FAAH2: variants seen among roughly 807,000 people sequenced by gnomAD.
FAAH2 encodes fatty-acid amide hydrolase 2.
Under a neutral mutation model 36.9 loss-of-function variants are expected in FAAH2, and 60 were observed. The ratio of observed to expected loss-of-function variants is 1.63; its 90% CI spans 1.32 to 2.02. The LOEUF (loss-of-function observed/expected upper bound fraction) is 2.02, where lower values mean the gene tolerates loss of function less well. Among genes scored for constraint, FAAH2 ranks in the 30% most tolerant of loss-of-function variants. The pLI is 0.00. For synonymous variants in FAAH2, 214 were observed against 143.8 expected (o/e 1.49, Z -3.49); for missense variants, 689 against 397.5 (o/e 1.73, Z -6.23).
the FAAH2 span, among the ~76,000 whole-genome samples, chrX:57,159,076 G>C: frequency 8.9e-6 from 1 of 112,245 alleles, no homozygotes; most frequent in Non-Finnish European, 1.9e-5. Context: ...AGTTTTCACA[G>C]TACCATTTAT....
intron 5 of FAAH2, among the ~76,000 whole-genome samples, chrX:57,347,604 G>GT (rs61323098): frequency 1.2e-4 from 9 of 77,882 alleles, no homozygotes; most frequent in African/African-American, 5.2e-4. Flanking sequence ...GGGATGCTAA[G>GT]TTTTTTTTTT....
At chrX:57,173,732 G>A in the FAAH2 span, among the ~76,000 whole-genome samples, 1 of 111,063 alleles carries the variant, frequency 9.0e-6, no homozygotes, top group African/African-American at 3.3e-5. Context: ...AATATTTTGA[G>A]GTATATTTCT....
chrX:57,371,640 G>T (rs1043537714), intron 5 of FAAH2, among the ~76,000 whole-genome samples: 9 of 103,191 alleles, frequency 8.7e-5, no homozygotes, highest in South Asian at 9.5e-4. Flanking sequence ...TATTTTTTGG[G>T]GGGGGGGTTA....
At chrX:57,292,252 A>G (rs926283448) in intron 1 of FAAH2, among the ~76,000 whole-genome samples, 1 of 111,581 alleles carries the variant, frequency 9.0e-6, no homozygotes, top group African/African-American at 3.3e-5. Flanking sequence ...AGCAGAGTTT[A>G]TTCCTTTTAT....
At chrX:57,308,975 T>A (rs1323342629) in intron 2 of FAAH2, among the ~76,000 whole-genome samples, 1 of 112,388 alleles carries the variant, frequency 8.9e-6, no homozygotes, top group Non-Finnish European at 1.9e-5. Flanking sequence ...ATATTCATTT[T>A]TTAATACTTT....
rs2055940003 is a variant in FAAH2, at chrX:57,419,314, A to G, written c.997-12604A>G. On this transcript the variant is annotated intron_variant, in intron 7 of 10. Transcript: ENST00000374900. ...CCACACTGACTTCCACAATGGTTGA[A>G]CTAGTTTACAGTCCCACCAACAGTG... Among the ~76,000 whole-genome samples, 6 of 110,749 alleles carry G rather than the reference A, an allele frequency of 5.4e-5. No homozygotes were observed. The Admixed American group carries it at 5.8e-4, about 11-fold the overall frequency.
intron 6 of FAAH2, among the ~76,000 whole-genome samples, chrX:57,379,976 A>C (rs746768598): frequency 9.0e-6 from 1 of 110,734 alleles, no homozygotes; most frequent in East Asian, 2.8e-4. Flanking sequence ...AATTATTTTT[A>C]ATTTTTGTGG....
At chrX:57,270,153 C>A in the FAAH2 span, among the ~76,000 whole-genome samples, 1 of 111,350 alleles carries the variant, frequency 9.0e-6, no homozygotes, top group Non-Finnish European at 1.9e-5. Flanking sequence ...TACACCCTCG[C>A]AAGACTGAGC....
At chrX:57,162,530 TC>T in the FAAH2 span, among the ~76,000 whole-genome samples, 1 of 111,715 alleles carries the variant, frequency 9.0e-6, no homozygotes, top group Non-Finnish European at 1.9e-5. Flanking sequence ...TTTCACATAG[TC>T]CCGTATTTCT....
the FAAH2 span, among the ~76,000 whole-genome samples, chrX:57,241,748 G>T: frequency 9.0e-6 from 1 of 111,243 alleles, no homozygotes; most frequent in African/African-American, 3.3e-5. Flanking sequence ...TTATGCCTTT[G>T]CATCCTCATA....
At chrX:57,419,458 C>G (rs1430329710) in intron 7 of FAAH2, among the ~76,000 whole-genome samples, 7 of 112,290 alleles carry the variant, frequency 6.2e-5, no homozygotes, top group Non-Finnish European at 1.3e-4. Flanking sequence ...TTGCATTTCT[C>G]TGATGGCCAG....
intron 2 of FAAH2, among the ~76,000 whole-genome samples, chrX:57,295,740 A>C (rs2052125505): frequency 8.9e-6 from 1 of 111,834 alleles, no homozygotes; most frequent in African/African-American, 3.3e-5. Flanking sequence ...CACCTGGAAA[A>C]TCGGGTCACT....
At chrX:57,456,058 A>G (rs2056860162) in intron 10 of FAAH2, among the ~76,000 whole-genome samples, 1 of 111,877 alleles carries the variant, frequency 8.9e-6, no homozygotes, top group Admixed American at 9.5e-5. Flanking sequence ...TTGGACATAA[A>G]GCAAATCACA....
chrX:57,431,841 A>C, intron 7 of FAAH2, 77 bp from the exon 8 acceptor site: 1 of 846,383 alleles, frequency 1.2e-6, no homozygotes, highest in Non-Finnish European at 1.5e-6. Flanking sequence ...CTGCTCTGCC[A>C]TCTTGCTGAT....
chrX:57,190,798 T>C, the FAAH2 span, among the ~76,000 whole-genome samples: 1 of 110,600 alleles, frequency 9.0e-6, no homozygotes, highest in Admixed American at 9.6e-5. Context: ...CCACCTTCTA[T>C]GTTGGTCTCG....
At chrX:57,310,451 G>C (rs1449569490) in intron 2 of FAAH2, 142 bp from the exon 3 acceptor site, 1 of 601,314 alleles carries the variant, frequency 1.7e-6, no homozygotes. Flanking sequence ...TGGCTCAAAT[G>C]GTCAGCTTTA....
the FAAH2 span, among the ~76,000 whole-genome samples, chrX:57,138,178 G>T: frequency 9.0e-6 from 1 of 111,540 alleles, no homozygotes; most frequent in East Asian, 2.8e-4. Flanking sequence ...TATCTATTTC[G>T]CATAAAGTGA....
chrX:57,426,375 A>G (rs775559729), intron 7 of FAAH2, among the ~76,000 whole-genome samples: 46 of 111,945 alleles, frequency 4.1e-4, no homozygotes, highest in Admixed American at 4.7e-4. Flanking sequence ...GGAAAAACAA[A>G]TGCAAGAGTT....
At chrX:57,241,449 A>G in the FAAH2 span, among the ~76,000 whole-genome samples, 2 of 47,794 alleles carry the variant, frequency 4.2e-5, no homozygotes, top group African/African-American at 7.8e-4. Flanking sequence ...AACTACAAGA[A>G]AAAAAAACAG....
Sources: gnomAD v4.1 joint callset for allele counts (sites outside exome capture counted in the v4.1 genomes callset) on GRCh38, gnomAD v4.1.1 for gene constraint, MANE v1.5 for transcripts, NCBI Gene and HGNC (gene_info 2026-07-23, HGNC 2026-07-21) for gene names.